SPAST: variants seen among roughly 807,000 people sequenced by gnomAD.
SPAST encodes spastic paraplegia 4 (autosomal dominant; spastin).
A neutral mutation model predicts 76.6 loss-of-function variants in SPAST; 30 were observed. The observed-to-expected ratio is 0.39, with a 90% CI of 0.29 to 0.53. SPAST has a LOEUF of 0.53. Ranked by LOEUF, SPAST falls within the 20% of genes least tolerant of loss-of-function variation. SPAST has a pLI of 0.68. For missense variants in SPAST, 717 were observed against 770.5 expected (o/e 0.93, Z 0.82); for synonymous variants, 305 against 281.0 (o/e 1.09, Z -0.86).
chr2:32,146,256 A>G (rs1189274573), intron 15 of SPAST, among the ~76,000 whole-genome samples: 1 of 152,148 alleles, frequency 6.6e-6, no homozygotes, highest in African/African-American at 2.4e-5. Context: ...AAAGATTCGC[A>G]TCCATTAAAG....
At chr2:32,149,711 G>A (rs1006419604) in intron 16 of SPAST, among the ~76,000 whole-genome samples, 1 of 152,098 alleles carries the variant, frequency 6.6e-6, no homozygotes, top group Non-Finnish European at 1.5e-5. Context: ...CATTTACATT[G>A]TATTAGGTGT....
rs139192763 is a variant in SPAST, at chr2:32,146,277, G to A, written c.1688-941G>A. ...TCGCATCCATTAAAGTACAGAAAAT[G>A]GCCGGGTGCAGTGGCTCACACCTAT... On this transcript the variant is annotated intron_variant, in intron 15 of 16. Transcript: ENST00000315285. Among the ~76,000 whole-genome samples, 1,042 of 152,314 alleles carry A rather than the reference G, an allele frequency of 6.8e-3. 14 individuals are homozygous for A. The highest frequency in any genetic ancestry group is 0.023 in the African/African-American group (975 of 41,574).
At chr2:32,110,595 A>G (rs1678530622) in intron 4 of SPAST, among the ~76,000 whole-genome samples, 1 of 133,290 alleles carries the variant, frequency 7.5e-6, no homozygotes, top group South Asian at 2.3e-4. Flanking sequence ...TATATATCGT[A>G]TATACACTAT....
intron 4 of SPAST, among the ~76,000 whole-genome samples, chr2:32,112,020 T>TG (rs1678633439): frequency 7.0e-6 from 1 of 143,712 alleles, no homozygotes; most frequent in Non-Finnish European, 1.5e-5. Flanking sequence ...TAGTTTTTTT[T>TG]TTTTTAGATG....
rs993222146 is a variant in SPAST at position 32,076,193 on chromosome 2, A to G, written c.416-11299A>G. On this transcript the variant is annotated intron_variant, in intron 1 of 16. Coordinates refer to ENST00000315285, the MANE Select transcript of SPAST (RefSeq NM_014946.4). ...TAGGATTATAGGCGTGAGTCGCTGC[A>G]CCTGGCCACAGAAATTTTTTGAAGA... 2.6e-5 allele frequency among the ~76,000 whole-genome samples: 4 copies of G among 151,934 alleles called. 1 individual carries two copies. In the East Asian group the frequency reaches 5.8e-4, roughly 22 times the overall value.
In SPAST at chr2:32,114,809, C is replaced by T. The variant is rs757055683; in HGVS notation, c.854C>T (p.Ala285Val). 1.9e-6 allele frequency: 3 copies of T among 1,613,768 alleles called. No homozygotes were observed. The highest frequency in any genetic ancestry group is 2.7e-5 in the African/African-American group (2 of 74,920). ...VSGVKQGSGPAPTTHKGTPKT... is the reference protein window; with the variant it reads ...VSGVKQGSGPVPTTHKGTPKT... ...GGAGTGAAACAGGGATCTGGTCCTG[C>T]TCCTACCACTCATAAGGTATTCTGG... Residue 285 changes from alanine to valine, a missense_variant, in exon 5 of 17, where the codon GCT becomes GTT. Transcript: ENST00000315285.
intron 4 of SPAST, among the ~76,000 whole-genome samples, chr2:32,104,615 C>A (rs984979790): frequency 1.3e-5 from 2 of 152,144 alleles, no homozygotes; most frequent in South Asian, 4.1e-4. Flanking sequence ...ATGTTCAGTG[C>A]TTCCTTCAGG....
chr2:32,154,263 TA>T, intron 16 of SPAST, 110 bp from the exon 17 acceptor site: 3 of 924,344 alleles, frequency 3.2e-6, no homozygotes, highest in South Asian at 1.4e-5. Context: ...CATACACGTA[TA>T]TTTTTTATAA....
chr2:32,066,324 G>A (rs994436574), intron 1 of SPAST, among the ~76,000 whole-genome samples: 2 of 152,112 alleles, frequency 1.3e-5, no homozygotes, highest in African/African-American at 4.8e-5. Context: ...ATCCCTTGGG[G>A]AGAATTAAAA....
At chr2:32,094,488 T>C (rs924602912) in intron 3 of SPAST, among the ~76,000 whole-genome samples, 3 of 152,076 alleles carry the variant, frequency 2.0e-5, no homozygotes, top group African/African-American at 7.2e-5. Context: ...ATACAACGCC[T>C]TAAGAGAAAG....
intron 8 of SPAST, 94 bp downstream of exon 8, chr2:32,127,116 C>T (rs923490073): frequency 1.1e-5 from 10 of 869,766 alleles, no homozygotes; most frequent in South Asian, 2.7e-5. Flanking sequence ...CTATTATTTA[C>T]GACTTGCTTT....
At chr2:32,143,219 G>T in intron 13 of SPAST, 117 bp from the exon 14 acceptor site, 1 of 659,430 alleles carries the variant, frequency 1.5e-6, no homozygotes, top group East Asian at 2.9e-5. Flanking sequence ...AGTGAGCTAT[G>T]ATTGTGCCCT....
intron 15 of SPAST, 133 bp from the exon 16 acceptor site, chr2:32,147,085 T>G (rs898155669): frequency 3.2e-5 from 21 of 650,118 alleles, no homozygotes; most frequent in Middle Eastern, 2.6e-4. Context: ...AAAGTTAACA[T>G]GTGTCTCTTT....
At chr2:32,126,332 G>C (rs911034200) in intron 7 of SPAST, among the ~76,000 whole-genome samples, 1 of 151,980 alleles carries the variant, frequency 6.6e-6, no homozygotes, top group Non-Finnish European at 1.5e-5. Flanking sequence ...TTCTATTTTT[G>C]TTTGGAAGAT....
At position 32,063,921 on chromosome 2, in the gene SPAST, CCCCGCCCCT is replaced by C. The variant is rs745951969; in HGVS notation, c.97_105del (p.Pro33_Ala35del). The C allele has an allele frequency of 1.9e-6, 3 of 1,590,178 alleles. No individual in the cohort carries two copies. The highest frequency in any genetic ancestry group is 2.6e-6 in the Non-Finnish European group (3 of 1,168,884). On this transcript the variant is annotated inframe_deletion, in exon 1 of 17. Coordinates refer to ENST00000315285, the MANE Select transcript of SPAST (RefSeq NM_014946.4). ...CCAGGCCTCCGCCCCCTTGCCTGGC[CCCCGCCCCT>C]CCCGCCGCCGGGCCGGCCCCTCCGC... is the stretch of plus-strand genomic sequence containing the variant.
chr2:32,081,899 G>A (rs991832974), intron 1 of SPAST, among the ~76,000 whole-genome samples: 11 of 150,542 alleles, frequency 7.3e-5, no homozygotes, highest in African/African-American at 1.9e-4. Flanking sequence ...ATCCTAATGG[G>A]CTTGATATGG....
intron 3 of SPAST, among the ~76,000 whole-genome samples, chr2:32,090,044 G>C (rs188430758): frequency 1.0e-3 from 156 of 152,346 alleles, no homozygotes; most frequent in African/African-American, 3.5e-3. Flanking sequence ...AGTTACAGGC[G>C]TGAGCCAACG....
At chr2:32,141,825 A>G in intron 12 of SPAST, 79 bp from the exon 13 acceptor site, 1 of 1,131,352 alleles carries the variant, frequency 8.8e-7, no homozygotes, top group South Asian at 1.3e-5. Context: ...ATTATATTTT[A>G]AAAGCTTTTC....
chr2:32,104,963 G>T (rs953269821), intron 4 of SPAST, among the ~76,000 whole-genome samples: 1 of 152,076 alleles, frequency 6.6e-6, no homozygotes, highest in African/African-American at 2.4e-5. Flanking sequence ...TATCTTTGTG[G>T]CATTCTCTGT....
Sources: gnomAD v4.1 joint callset for allele counts (sites outside exome capture counted in the v4.1 genomes callset) on GRCh38, gnomAD v4.1.1 for gene constraint, MANE v1.5 for transcripts, NCBI Gene and HGNC (gene_info 2026-07-23, HGNC 2026-07-21) for gene names.